The following MBOAT7 variants were observed in gnomAD, a reference collection of about 807,000 sequenced individuals.
The protein encoded by MBOAT7 is membrane bound acylglycerophosphatidylinositol O-acyltransferase MBOAT7.
A neutral mutation model predicts 47.4 loss-of-function variants in MBOAT7; 40 were observed. That is an observed-to-expected ratio of 0.84 (90% CI 0.66 to 1.10). The LOEUF is 1.10. Among genes scored for constraint, MBOAT7 ranks in the 50% least tolerant of loss-of-function variants. MBOAT7 has a pLI of 0.00. For missense variants in MBOAT7, 680 were observed against 655.6 expected, an observed-to-expected ratio of 1.04 and a Z score of -0.41; for synonymous variants, 361 against 292.0, an observed-to-expected ratio of 1.24 and a Z score of -2.41.
At chr19:54,175,191 G>A (rs62132544) in intron 7 of MBOAT7, among the ~76,000 whole-genome samples, 2,901 of 152,172 alleles carry the variant, frequency 0.019, 45 homozygotes, top group Middle Eastern at 0.051. Flanking sequence ...TGTTAGCCAG[G>A]ATGGTCTCGA....
At chr19:54,187,017 G>T in intron 4 of MBOAT7, 144 bp downstream of exon 4, 1 of 1,013,792 alleles carries the variant, frequency 9.9e-7, no homozygotes, top group Non-Finnish European at 1.4e-6. Flanking sequence ...GGAATGCTGT[G>T]CCCAGGGCAG....
At position 54,174,356 on chromosome 19, in the gene MBOAT7, G is replaced by A; in HGVS notation, c.1107C>T (p.Ile369=). The A allele has an allele frequency of 6.2e-7, 1 of 1,612,426 alleles. No individual in the cohort carries two copies. The change falls in exon 8 of 8, where the codon ATC becomes ATT. Residue 369 remains isoleucine, a synonymous_variant. Coordinates refer to ENST00000245615, the MANE Select transcript of MBOAT7 (RefSeq NM_024298.5). ...GGCCCTCGGCAGCCAGGCACAGCGG[G>A]ATGGTCAGGAAGCTCAGGTAGTAGC... ...HPGYYLSFLT[I]PLCLAAEGRL...
In MBOAT7 at chr19:54,181,142, C is replaced by T. The variant is rs1380364388; in HGVS notation, c.494-9G>A. On this transcript the variant is annotated splice_polypyrimidine_tract_variant and intron_variant, in intron 5 of 7. Transcript: ENST00000245615. ...GTAGCGGAAGAACGGGCCTGTGGGG[C>T]GGGGAGGGAGGGCCGCGGTCAGACA... 1.3e-5 allele frequency: 11 copies of T among 850,038 alleles called. No homozygotes were observed. The highest frequency in any genetic ancestry group is 7.3e-5 in the African/African-American group (4 of 55,120). The allele number at this position is 850,038 out of a possible 1,614,324, so 52.7% of individuals were successfully genotyped here.
At chr19:54,177,469 G>GT (rs2076140810) in intron 7 of MBOAT7, among the ~76,000 whole-genome samples, 1 of 151,724 alleles carries the variant, frequency 6.6e-6, no homozygotes, top group Admixed American at 6.6e-5. Flanking sequence ...CTAATTTTTT[G>GT]TATTTTTAGT....
chr19:54,174,696 T>C (rs545336322), intron 7 of MBOAT7, among the ~76,000 whole-genome samples: 26 of 128,216 alleles, frequency 2.0e-4, no homozygotes, highest in Non-Finnish European at 3.5e-4. Flanking sequence ...CAGACCCCAC[T>C]TCCCTCCTCC....
In MBOAT7 at chr19:54,178,769, G is replaced by A. The variant is rs1264264658; in HGVS notation, c.1027C>T (p.Leu343=). ...YKSAPARSYV[L]RSAWTMLLSA... is the part of the protein sequence containing the mutation. ...AGACTGGGCGGGCTCACTCACCGCA[G>A]GACATAGGAACGGGCAGGTGCGCTC... The change falls in exon 7 of 8, where the codon CTG becomes TTG. Residue 343 remains leucine, a synonymous_variant. Transcript: ENST00000245615. 7.4e-6 allele frequency: 12 copies of A among 1,613,262 alleles called. No homozygotes were observed. Among genetic ancestry groups the A allele is most frequent in the African/African-American group, 2.7e-5 (2 of 74,952 alleles).
intron 7 of MBOAT7, among the ~76,000 whole-genome samples, chr19:54,177,725 C>T (rs1388497258): frequency 1.3e-5 from 2 of 151,566 alleles, no homozygotes; most frequent in Non-Finnish European, 2.9e-5. Flanking sequence ...TATAGGCGCC[C>T]GCCACCATGC....
rs2076170317 is a variant in MBOAT7 at position 54,178,451 on chromosome 19, T to C, written c.1031+314A>G. 4.6e-6 allele frequency: 6 copies of C among 1,308,890 alleles called. No homozygotes were observed. In the South Asian group the frequency reaches 1.4e-4, roughly 31 times the overall value. 81.1% of individuals were successfully genotyped at this position (1,308,890 alleles called of 1,614,324 possible). A position where few individuals can be genotyped will look rare whatever the true frequency, so the allele number is the denominator to read the frequency against. ...GGCAACTAAGAGGTCAACTAACTCC[T>C]CAAGGTTTCTCCATAACCTGGACGG... is the stretch of plus-strand genomic sequence containing the variant. On this transcript the variant is annotated intron_variant, in intron 7 of 7. Transcript: ENST00000245615.
chr19:54,179,157 CAATGGGGTTCTTCTTCTTTTGGTACCT>C (rs1387284356), intron 6 of MBOAT7: 1 of 599,884 alleles, frequency 1.7e-6, no homozygotes, highest in East Asian at 2.8e-5. Flanking sequence ...AGTCCACTGA[CAATGGGGTTCTTCTTCTTTTGGTACCT>C]AATGGGGCCC....
At chr19:54,188,021 G>GAAAGGAAAGAAAGAAAGAAAAGAAAGA (rs2076486258) in intron 3 of MBOAT7, among the ~76,000 whole-genome samples, 196 bp downstream of exon 3, 1 of 59,824 alleles carries the variant, frequency 1.7e-5, no homozygotes, top group African/African-American at 7.2e-5. Flanking sequence ...ATCTCAGAAA[G>GAAAGGAAAGAAAGAAAGAAAAGAAAGA]AAAGAAAGAA....
chr19:54,176,281 A>G (rs1194975326), intron 7 of MBOAT7, among the ~76,000 whole-genome samples: 1 of 152,048 alleles, frequency 6.6e-6, no homozygotes, highest in African/African-American at 2.4e-5. Flanking sequence ...CAGCCATTGC[A>G]CCTGGCCAAC....
chr19:54,188,065 G>GA (rs1355269609), intron 3 of MBOAT7, 152 bp downstream of exon 3: 13 of 215,814 alleles, frequency 6.0e-5, no homozygotes, highest in African/African-American at 4.6e-4. Flanking sequence ...AAGAAAGAAA[G>GA]AAAGACAAAC....
In MBOAT7 at chr19:54,180,998, T is replaced by G. The variant is rs1421271916; in HGVS notation, c.629A>C (p.His210Pro). 8.3e-6 allele frequency: 13 copies of G among 1,560,514 alleles called. No homozygotes were observed. Among genetic ancestry groups the G allele is most frequent in the Non-Finnish European group, 1.1e-5 (13 of 1,153,192 alleles). The change falls in exon 6 of 8, where the codon CAC becomes CCC. Residue 210 changes from histidine to proline, a missense_variant. By Grantham distance (77) the His-to-Pro change is moderately conservative (BLOSUM62 -2). Transcript: ENST00000245615. This position sits in a 1 kb window ranked among gnomAD's most constrained non-coding sequence, Gnocchi z 5.2. Reference protein sequence around the residue: ...LFGLLFLLSSHLFPLEAVRED... With the variant: ...LFGLLFLLSSPLFPLEAVRED... ...GCGCACGGCCTCCAGCGGGAAGAGG[T>G]GAGAGGAGAGCAGGAACAGCAGGCC... is the stretch of plus-strand genomic sequence containing the variant.
At chr19:54,178,630 A>C in intron 7 of MBOAT7, 135 bp downstream of exon 7, 2 of 1,442,704 alleles carry the variant, frequency 1.4e-6, no homozygotes, top group Non-Finnish European at 1.8e-6. Context: ...GGCAGGGCAA[A>C]ACCAGGCTAA....
intron 4 of MBOAT7, 107 bp downstream of exon 4, chr19:54,187,054 G>C (rs2076446055): frequency 7.5e-7 from 1 of 1,333,542 alleles, no homozygotes; most frequent in African/African-American, 1.5e-5. Flanking sequence ...CCACCCCCAG[G>C]GTGTGTTGGA....
Position 54,174,431 on chromosome 19 carries a change from C to T in MBOAT7, c.1032G>A (p.Arg344=). ...CGCTCAGCAGCATGGTCCAGGCGCTCCTGAGGAGGAGGCTGGGAGTCAGGA... is the reference window on the plus strand; with the variant it reads ...CGCTCAGCAGCATGGTCCAGGCGCTTCTGAGGAGGAGGCTGGGAGTCAGGA... The part of the protein sequence containing the change: ...KSAPARSYVL[R]SAWTMLLSAY... Residue 344 remains arginine (R), a splice_region_variant and synonymous_variant, in exon 8 of 8, where the codon CGG becomes CGA. Coordinates refer to ENST00000245615, the MANE Select transcript of MBOAT7 (RefSeq NM_024298.5). 6.5e-7 allele frequency: 1 copy of T among 1,540,860 alleles called. No individual in the cohort carries two copies. The highest frequency in any genetic ancestry group is 8.7e-7 in the Non-Finnish European group (1 of 1,144,044).
At chr19:54,177,113 T>C (rs895175189) in intron 7 of MBOAT7, among the ~76,000 whole-genome samples, 3 of 150,090 alleles carry the variant, frequency 2.0e-5, no homozygotes, top group Admixed American at 6.7e-5. Context: ...TGAGCTGAGA[T>C]CACAACACTG....
chr19:54,180,738 C>T lies in MBOAT7; in HGVS notation c.854+35G>A. 1 of 1,464,048 alleles carries T rather than the reference C, an allele frequency of 6.8e-7. No homozygotes were observed. 90.7% of individuals were successfully genotyped at this position (1,464,048 alleles called of 1,614,324 possible). A position where few individuals can be genotyped will look rare whatever the true frequency, so the allele number is the denominator to read the frequency against. On this transcript the variant is annotated intron_variant, in intron 6 of 7. Transcript: ENST00000245615. This position sits in a 1 kb window ranked among gnomAD's most constrained non-coding sequence, Gnocchi z 5.2. ...AGCCAGCCCTTGGAGGTGGGGGCTG[C>T]TGGGTCTTGGGAAGCCTCCCTCGCG... is the stretch of plus-strand genomic sequence containing the variant.
intron 3 of MBOAT7, 139 bp from the exon 4 acceptor site, chr19:54,187,426 A>G: frequency 9.1e-7 from 1 of 1,104,598 alleles, no homozygotes. Context: ...CAGAGAGGAC[A>G]GGAGGGTGGA....
Sources: gnomAD v4.1 joint callset for allele counts (sites outside exome capture counted in the v4.1 genomes callset) on GRCh38, gnomAD v4.1.1 for gene constraint, Gnocchi (gnomAD v3.1) non-coding constraint, MANE v1.5 for transcripts, NCBI Gene and HGNC (gene_info 2026-07-23, HGNC 2026-07-21) for gene names.